Variants in ESCO1 observed in about 807,000 individuals in gnomAD.
ESCO1 encodes the protein establishment of sister chromatid cohesion N-acetyltransferase 1, also known as N-acetyltransferase ESCO1.
Under a neutral mutation model 83.5 loss-of-function variants are expected in ESCO1, and 33 were observed. The observed-to-expected ratio is 0.40, with a 90% CI of 0.30 to 0.53. ESCO1 has a LOEUF of 0.53. Among genes scored for constraint, ESCO1 ranks in the 20% least tolerant of loss-of-function variants. ESCO1 has a pLI of 0.63. For synonymous variants in ESCO1, 332 were observed against 324.3 expected (o/e 1.02, Z -0.25); for missense variants, 855 against 968.0 (o/e 0.88, Z 1.55).
intron 1 of ESCO1, among the ~76,000 whole-genome samples, chr18:21,589,044 C>T (rs1294989587): frequency 1.3e-5 from 2 of 152,114 alleles, no homozygotes; most frequent in African/African-American, 4.8e-5. Context: ...GAGTTTGAGA[C>T]CAGCCTGGCC....
At chr18:21,535,954 A>G (rs2037831427) in intron 10 of ESCO1, 88 bp downstream of exon 10, 1 of 1,484,592 alleles carries the variant, frequency 6.7e-7, no homozygotes, top group Non-Finnish European at 9.1e-7. Flanking sequence ...TGAAATGGAG[A>G]CAAATTTATC....
intron 8 of ESCO1, among the ~76,000 whole-genome samples, chr18:21,554,223 TAG>T (rs2038083485): frequency 6.6e-6 from 1 of 152,210 alleles, no homozygotes; most frequent in Non-Finnish European, 1.5e-5. Context: ...AACTTTGGAA[TAG>T]AGTCTGGCAG....
chr18:21,538,191 C>T (rs773199152), intron 9 of ESCO1, among the ~76,000 whole-genome samples: 3 of 151,502 alleles, frequency 2.0e-5, no homozygotes, highest in Non-Finnish European at 2.9e-5. Flanking sequence ...GTGGCTCACG[C>T]CTATAATCCC....
chr18:21,582,290 T>C (rs973648581), intron 2 of ESCO1, among the ~76,000 whole-genome samples: 2 of 151,330 alleles, frequency 1.3e-5, no homozygotes, highest in Non-Finnish European at 1.5e-5. Flanking sequence ...AGTGCAATGG[T>C]GCAATCTTGG....
intron 2 of ESCO1, among the ~76,000 whole-genome samples, chr18:21,580,245 GA>G (rs976028089): frequency 4.6e-5 from 7 of 151,598 alleles, no homozygotes; most frequent in African/African-American, 1.7e-4. Flanking sequence ...TGGCAATGAG[GA>G]AAAAAACTTT....
chr18:21,543,564 T>C (rs1305277063), intron 8 of ESCO1, among the ~76,000 whole-genome samples: 1 of 152,204 alleles, frequency 6.6e-6, no homozygotes, highest in Non-Finnish European at 1.5e-5. Context: ...GTAAATACAC[T>C]GAGTATATAC....
At chr18:21,557,727 C>T (rs1032368679) in intron 8 of ESCO1, among the ~76,000 whole-genome samples, 2 of 152,194 alleles carry the variant, frequency 1.3e-5, no homozygotes, top group African/African-American at 4.8e-5. Context: ...TTTGGCATTA[C>T]TAAAAGCTCA....
chr18:21,576,175 G>A (rs1283985245), intron 2 of ESCO1, among the ~76,000 whole-genome samples: 2 of 151,932 alleles, frequency 1.3e-5, no homozygotes, highest in African/African-American at 2.4e-5. Context: ...CCTCTATTCC[G>A]ATTCAAACCC....
Position 21,579,804 on chromosome 18 carries a change from A to AGTG in ESCO1, c.-693-4028_-693-4027insCAC, listed in dbSNP as rs1568109916. 3.0e-3 allele frequency among the ~76,000 whole-genome samples: 223 copies of AGTG among 73,480 alleles called. 2 individuals are homozygous for AGTG. The highest frequency in any genetic ancestry group is 8.7e-3 in the African/African-American group (217 of 24,816). The allele number at this position is 73,480 out of a possible 152,430, so 48.2% of individuals were successfully genotyped here. On this transcript the variant is annotated intron_variant, in intron 2 of 11. Transcript: ENST00000269214. Reference sequence around the variant, plus strand: ...CACACACGCGCGCGCGCACACACACACACACACACACACACACACACACAC... The same window carrying AGTG: ...CACACACGCGCGCGCGCACACACACAGTGCACACACACACACACACACACACAC...
At chr18:21,532,386 A>G (rs1420017270) in intron 11 of ESCO1, 87 bp downstream of exon 11, 3 of 1,352,078 alleles carry the variant, frequency 2.2e-6, no homozygotes, top group African/African-American at 1.5e-5. Flanking sequence ...GATTATACGC[A>G]TGTTAATTAA....
At chr18:21,553,597 C>T (rs1258740932) in intron 8 of ESCO1, among the ~76,000 whole-genome samples, 2 of 151,928 alleles carry the variant, frequency 1.3e-5, no homozygotes, top group African/African-American at 2.4e-5. Context: ...GTGGCTTATG[C>T]CTGTAATCCC....
intron 4 of ESCO1, among the ~76,000 whole-genome samples, chr18:21,569,687 G>A (rs1463900867): frequency 6.6e-6 from 1 of 152,180 alleles, no homozygotes. Context: ...AGAGGTTGCA[G>A]TGATCGAGAT....
intron 10 of ESCO1, among the ~76,000 whole-genome samples, chr18:21,533,046 G>C (rs2037787831): frequency 6.6e-6 from 1 of 152,094 alleles, no homozygotes; most frequent in Non-Finnish European, 1.5e-5. Context: ...TACATGTTAA[G>C]AACACAGCAG....
At chr18:21,582,563 G>A (rs1485640294) in intron 2 of ESCO1, among the ~76,000 whole-genome samples, 1 of 152,158 alleles carries the variant, frequency 6.6e-6, no homozygotes, top group Non-Finnish European at 1.5e-5. Context: ...CGTGAGAAAG[G>A]CTTAACTTTT....
intron 4 of ESCO1, among the ~76,000 whole-genome samples, chr18:21,568,888 G>A (rs2038299385): frequency 6.8e-6 from 1 of 146,694 alleles, no homozygotes; most frequent in Non-Finnish European, 1.5e-5. Flanking sequence ...AGGTGACAAA[G>A]CTAGACTCCA....
intron 1 of ESCO1, chr18:21,593,586 GAGGGAGACCGT>G (rs2038715167): frequency 7.2e-5 from 2 of 27,924 alleles, no homozygotes; most frequent in East Asian, 1.5e-3. Context: ...CGTGGAAAGA[GAGGGAGACCGT>G]AGGGAGAGGG....
At chr18:21,584,650 G>C (rs968933236) in intron 1 of ESCO1, among the ~76,000 whole-genome samples, 10 of 151,878 alleles carry the variant, frequency 6.6e-5, no homozygotes, top group African/African-American at 2.4e-4. Context: ...ATGAAACTCT[G>C]TCTCTTCGAA....
intron 1 of ESCO1, among the ~76,000 whole-genome samples, chr18:21,590,699 C>T (rs1354906958): frequency 3.3e-5 from 5 of 151,790 alleles, no homozygotes; most frequent in Non-Finnish European, 5.9e-5. Flanking sequence ...CCTGTAATCC[C>T]AGCACTTTGG....
chr18:21,578,801 G>T (rs1012227034), intron 2 of ESCO1, among the ~76,000 whole-genome samples: 1 of 152,170 alleles, frequency 6.6e-6, no homozygotes, highest in Non-Finnish European at 1.5e-5. Context: ...AAGTTCAAGC[G>T]ATTCTCGTGC....
Sources: gnomAD v4.1 joint callset for allele counts (sites outside exome capture counted in the v4.1 genomes callset) on GRCh38, gnomAD v4.1.1 for gene constraint, MANE v1.5 for transcripts, NCBI Gene and HGNC (gene_info 2026-07-23, HGNC 2026-07-21) for gene names.